ADAMTSL3: variants seen among roughly 807,000 people sequenced by gnomAD.
The protein encoded by ADAMTSL3 is ADAMTS like 3.
A neutral mutation model predicts 201.7 loss-of-function variants in ADAMTSL3; 128 were observed. That is an observed-to-expected ratio of 0.63 (90% CI 0.55 to 0.73). The LOEUF is 0.73. Ranked by LOEUF, ADAMTSL3 falls within the 30% of genes least tolerant of loss-of-function variation. The probability of loss-of-function intolerance (pLI) is 0.00; values close to 1 mark genes in which losing one functional copy is unlikely to be tolerated. For missense variants in ADAMTSL3, 1,990 were observed against 2,119.6 expected (o/e 0.94, Z 1.20); for synonymous variants, 738 against 748.4 (o/e 0.99, Z 0.23).
intron 9 of ADAMTSL3, among the ~76,000 whole-genome samples, chr15:83,872,627 C>CACACACACACACACACACACACAGAGAG (rs6145659): frequency 2.2e-4 from 31 of 141,016 alleles, no homozygotes; most frequent in African/African-American, 8.1e-4. Context: ...CACACACACA[C>CACACACACACACACACACACACAGAGAG]AGAGTTTTTG....
At chr15:83,704,342 G>A (rs2061818608) in intron 2 of ADAMTSL3, 47 bp from the exon 3 acceptor site, 1 of 1,613,158 alleles carries the variant, frequency 6.2e-7, no homozygotes, top group African/African-American at 1.3e-5. Context: ...CCTGTCAGGG[G>A]GTCCTTACTG....
At chr15:83,795,653 G>T (rs558455484) in intron 4 of ADAMTSL3, among the ~76,000 whole-genome samples, 1 of 152,064 alleles carries the variant, frequency 6.6e-6, no homozygotes, top group African/African-American at 2.4e-5. Context: ...TGGAACAGTG[G>T]ACCTGTTCTC....
chr15:83,913,705 T>C (rs112318683), intron 16 of ADAMTSL3, among the ~76,000 whole-genome samples: 17 of 152,200 alleles, frequency 1.1e-4, no homozygotes, highest in African/African-American at 3.6e-4. Flanking sequence ...AGCAGTCTTA[T>C]AGATTGAGGT....
chr15:83,873,517 T>C (rs2065119797), intron 9 of ADAMTSL3, among the ~76,000 whole-genome samples: 1 of 143,952 alleles, frequency 6.9e-6, no homozygotes, highest in South Asian at 2.2e-4. Flanking sequence ...TACCTGGAAC[T>C]ACAGGCACAC....
At chr15:83,716,922 AT>A (rs1270529401) in intron 3 of ADAMTSL3, among the ~76,000 whole-genome samples, 15 of 152,086 alleles carry the variant, frequency 9.9e-5, no homozygotes, top group African/African-American at 2.9e-4. Context: ...GATTGAGTAA[AT>A]TTTTCTTTAT....
chr15:83,820,381 G>A (rs925694792), intron 6 of ADAMTSL3, among the ~76,000 whole-genome samples: 13 of 152,092 alleles, frequency 8.5e-5, no homozygotes, highest in Admixed American at 5.2e-4. Flanking sequence ...CCGGGCCATC[G>A]ATTAGTGATT....
Position 84,037,932 on chromosome 15 carries a change from T to G in ADAMTSL3, c.*126T>G. On this transcript the variant is annotated 3_prime_UTR_variant, in exon 30 of 30. Transcript: ENST00000286744. The stretch of plus-strand genomic sequence containing the variant: ...TAGATTCTATGGATCAAACAGAGGT[T>G]GATGCAAAAACACCACTGTTAAGGT... The G allele has an allele frequency of 7.3e-7, 1 of 1,374,752 alleles. No individual in the cohort carries two copies. The highest frequency in any genetic ancestry group is 1.7e-5 in the South Asian group (1 of 60,062). The allele number at this position is 1,374,752 out of a possible 1,614,324, so 85.2% of individuals were successfully genotyped here.
At chr15:83,682,174 A>G (rs187393044) in intron 2 of ADAMTSL3, among the ~76,000 whole-genome samples, 1 of 152,226 alleles carries the variant, frequency 6.6e-6, no homozygotes, top group East Asian at 1.9e-4. Context: ...GCTTCTCTGT[A>G]TTCTCTCTGG....
intron 3 of ADAMTSL3, among the ~76,000 whole-genome samples, chr15:83,758,211 G>A (rs1431248824): frequency 6.6e-6 from 1 of 152,164 alleles, no homozygotes; most frequent in Non-Finnish European, 1.5e-5. Context: ...CTGAGACTGG[G>A]TAATTTATAA....
intron 2 of ADAMTSL3, among the ~76,000 whole-genome samples, chr15:83,678,125 G>T (rs1005582953): frequency 2.2e-4 from 33 of 152,050 alleles, no homozygotes; most frequent in African/African-American, 7.9e-4. Flanking sequence ...AATATAGTTT[G>T]AGCACCACAT....
At chr15:83,866,605 G>T (rs2064983749) in intron 8 of ADAMTSL3, among the ~76,000 whole-genome samples, 1 of 151,908 alleles carries the variant, frequency 6.6e-6, no homozygotes, top group Non-Finnish European at 1.5e-5. Flanking sequence ...ACCGGGTCCT[G>T]TTGTGGGGTG....
At chr15:83,843,073 CT>C (rs2064415662) in intron 7 of ADAMTSL3, among the ~76,000 whole-genome samples, 1 of 152,114 alleles carries the variant, frequency 6.6e-6, no homozygotes, top group Non-Finnish European at 1.5e-5. Flanking sequence ...TGATTTTCAG[CT>C]TTTGGATTAC....
intron 14 of ADAMTSL3, among the ~76,000 whole-genome samples, chr15:83,898,996 A>G (rs920197421): frequency 2.6e-5 from 4 of 152,198 alleles, no homozygotes; most frequent in African/African-American, 9.6e-5. Context: ...TGATACTTTC[A>G]TAGCCACTTT....
intron 2 of ADAMTSL3, among the ~76,000 whole-genome samples, chr15:83,699,814 C>T (rs1212454071): frequency 1.3e-5 from 2 of 152,314 alleles, no homozygotes; most frequent in East Asian, 1.9e-4. Flanking sequence ...CCATAACTGG[C>T]TCCTCCTGTT....
rs146467246 is a variant in ADAMTSL3 at position 84,019,015 on chromosome 15, T to C, written c.4274-2395T>C. Reference sequence around the variant, plus strand: ...GAACATATGTCTGATGAAGAACTTATATCTAGAATATATAAAGAACTCCCA... The same window carrying C: ...GAACATATGTCTGATGAAGAACTTACATCTAGAATATATAAAGAACTCCCA... On this transcript the variant is annotated intron_variant, in intron 25 of 29. Coordinates refer to ENST00000286744, the MANE Select transcript of ADAMTSL3 (RefSeq NM_207517.3). 3.7e-3 allele frequency among the ~76,000 whole-genome samples: 555 copies of C among 151,206 alleles called. 1 individual carries two copies. The highest frequency in any genetic ancestry group is 5.9e-3 in the Non-Finnish European group (398 of 67,930).
At chr15:83,909,740 G>A (rs2065899719) in intron 15 of ADAMTSL3, among the ~76,000 whole-genome samples, 1 of 151,820 alleles carries the variant, frequency 6.6e-6, no homozygotes, top group Admixed American at 6.6e-5. Flanking sequence ...TCAGCCTCCC[G>A]AGTAGCTGGG....
intron 2 of ADAMTSL3, among the ~76,000 whole-genome samples, chr15:83,692,909 T>G (rs766161598): frequency 2.6e-5 from 4 of 152,170 alleles, no homozygotes; most frequent in Non-Finnish European, 4.4e-5. Flanking sequence ...CTGCATGATT[T>G]CAGCCACACA....
intron 17 of ADAMTSL3, among the ~76,000 whole-genome samples, chr15:83,927,684 A>C (rs771252150): frequency 4.6e-5 from 7 of 152,340 alleles, no homozygotes; most frequent in Non-Finnish European, 8.8e-5. Context: ...TGACTTCTCC[A>C]TGAGCATACA....
At chr15:83,844,393 T>C (rs2064451896) in intron 7 of ADAMTSL3, among the ~76,000 whole-genome samples, 1 of 152,192 alleles carries the variant, frequency 6.6e-6, no homozygotes. Context: ...CCAAAAACCA[T>C]TTACAAATTT....
Sources: gnomAD v4.1 joint callset for allele counts (sites outside exome capture counted in the v4.1 genomes callset) on GRCh38, gnomAD v4.1.1 for gene constraint, MANE v1.5 for transcripts, NCBI Gene and HGNC (gene_info 2026-07-23, HGNC 2026-07-21) for gene names.